Variants in SPECC1 observed in about 807,000 individuals in gnomAD.
The protein encoded by SPECC1 is cytospin-B.
In SPECC1, 62 loss-of-function variants were observed where a neutral mutation model predicts 104.1. The observed-to-expected ratio is 0.60, with a 90% confidence interval of 0.49 to 0.74. The LOEUF (loss-of-function observed/expected upper bound fraction) is 0.74. SPECC1 is among the 30% of genes least tolerant of loss of function. The pLI, the probability that SPECC1 is intolerant of heterozygous loss-of-function variation, is 0.00. For missense variants in SPECC1, 1,306 were observed against 1,310.5 expected (o/e 1.00, Z 0.05); for synonymous variants, 513 against 501.6 (o/e 1.02, Z -0.30).
intron 3 of SPECC1, among the ~76,000 whole-genome samples, chr17:20,163,578 T>A (rs1188934139): frequency 1.3e-5 from 2 of 151,680 alleles, no homozygotes; most frequent in Non-Finnish European, 2.9e-5. Context: ...TTTTTTTTTT[T>A]GAGACAGTTT....
intron 3 of SPECC1, among the ~76,000 whole-genome samples, chr17:20,202,012 T>C (rs1213757804): frequency 6.6e-6 from 1 of 152,244 alleles, no homozygotes; most frequent in African/African-American, 2.4e-5. Context: ...ATCAGTTTTA[T>C]CATTTACTAC....
At chr17:20,059,076 G>C (rs961589959) in intron 1 of SPECC1, among the ~76,000 whole-genome samples, 1 of 151,696 alleles carries the variant, frequency 6.6e-6, no homozygotes, top group African/African-American at 2.4e-5. Context: ...TCCTGACCTC[G>C]TGATCCGCCT....
intron 3 of SPECC1, chr17:20,112,818 C>T (rs914879706): frequency 8.9e-6 from 14 of 1,573,000 alleles, no homozygotes; most frequent in Middle Eastern, 4.6e-4. Context: ...TTAAAAAATG[C>T]AAAGTTGAAG....
chr17:20,140,918 G>A (rs1259560076), intron 3 of SPECC1, among the ~76,000 whole-genome samples: 2 of 152,202 alleles, frequency 1.3e-5, no homozygotes, highest in Non-Finnish European at 2.9e-5. Context: ...GTGATTCATT[G>A]TGATCTATGG....
chr17:20,230,504 A>AGTTGT (rs1180958305), intron 5 of SPECC1, among the ~76,000 whole-genome samples: 7 of 69,314 alleles, frequency 1.0e-4, no homozygotes, highest in African/African-American at 9.9e-4. Context: ...AGTCAAGACA[A>AGTTGT]GTTCTGTTTT....
intron 13 of SPECC1, 25 bp from the exon 14 acceptor site, chr17:20,305,998 C>T (rs1433479266): frequency 6.2e-7 from 1 of 1,608,004 alleles, no homozygotes. Flanking sequence ...TTACTGATTC[C>T]AGTCTCTTTG....
chr17:20,066,297 T>C (rs1483650037), intron 1 of SPECC1, among the ~76,000 whole-genome samples: 1 of 152,258 alleles, frequency 6.6e-6, no homozygotes, highest in East Asian at 1.9e-4. Context: ...TTTGCCTTTC[T>C]CCTAGTTATT....
chr17:20,059,281 G>C (rs151178162), intron 1 of SPECC1, among the ~76,000 whole-genome samples: 1 of 152,264 alleles, frequency 6.6e-6, no homozygotes, highest in East Asian at 1.9e-4. Context: ...ATGGAAGACA[G>C]TGACAGATCT....
intron 12 of SPECC1, among the ~76,000 whole-genome samples, chr17:20,269,552 A>G (rs1187539309): frequency 6.6e-6 from 1 of 152,178 alleles, no homozygotes. Flanking sequence ...TCTCCCGAGT[A>G]GCTGGGATTA....
At chr17:20,185,317 C>G (rs1156625866) in intron 3 of SPECC1, 1 of 152,264 alleles carries the variant, frequency 6.6e-6, no homozygotes, top group Non-Finnish European at 1.5e-5. Context: ...TGGAAGTGCT[C>G]CTCTGACTGC....
intron 12 of SPECC1, among the ~76,000 whole-genome samples, chr17:20,265,470 G>C (rs1348464924): frequency 5.9e-5 from 9 of 152,092 alleles, no homozygotes; most frequent in Admixed American, 2.6e-4. Flanking sequence ...GTTTTTGCTT[G>C]TGGATTTAAG....
At chr17:20,285,801 T>C (rs958633259) in intron 12 of SPECC1, among the ~76,000 whole-genome samples, 5 of 146,932 alleles carry the variant, frequency 3.4e-5, no homozygotes, top group African/African-American at 1.0e-4. Context: ...CTCCCTCCCT[T>C]TCTTTCTTCC....
chr17:20,097,811 C>T (rs1035731219), intron 2 of SPECC1, among the ~76,000 whole-genome samples: 3 of 152,294 alleles, frequency 2.0e-5, no homozygotes, highest in Non-Finnish European at 2.9e-5. Flanking sequence ...TGTGTCAGTG[C>T]CTGCGGAATA....
At chr17:20,022,079 C>T (rs993306423) in intron 1 of SPECC1, among the ~76,000 whole-genome samples, 5 of 151,738 alleles carry the variant, frequency 3.3e-5, no homozygotes, top group Admixed American at 6.6e-5. Context: ...GTAGCTGGGA[C>T]TACTGGTGCC....
In SPECC1 at chr17:20,265,707, A is replaced by C. The variant is rs1410650526; in HGVS notation, c.2940+5413A>C. ...AAAGTTATTTCCTAGGTTTTCTTCTAGGATTTTTATAGTTCGAAGTCTTAT... is the reference window on the plus strand; with the variant it reads ...AAAGTTATTTCCTAGGTTTTCTTCTCGGATTTTTATAGTTCGAAGTCTTAT... On this transcript the variant is annotated intron_variant, in intron 12 of 14. Transcript: ENST00000395527. Among the ~76,000 whole-genome samples, 3 of 152,218 alleles carry C rather than the reference A, an allele frequency of 2.0e-5. No homozygotes were observed. The East Asian group carries it at 5.8e-4, about 29-fold the overall frequency.
At chr17:20,057,530 G>C (rs572993072) in intron 1 of SPECC1, 61 of 152,348 alleles carry the variant, frequency 4.0e-4, no homozygotes, top group African/African-American at 1.4e-3. Context: ...GTCTCTCTCT[G>C]TCACTCAGGC....
intron 12 of SPECC1, among the ~76,000 whole-genome samples, chr17:20,272,743 C>T (rs915080558): frequency 6.6e-6 from 1 of 152,236 alleles, no homozygotes; most frequent in Admixed American, 6.5e-5. Flanking sequence ...AATAAAATTC[C>T]GTTGATTATA....
intron 1 of SPECC1, among the ~76,000 whole-genome samples, chr17:20,060,455 C>T (rs1187530427): frequency 1.3e-5 from 2 of 151,502 alleles, no homozygotes; most frequent in African/African-American, 2.4e-5. Flanking sequence ...TAGACCAGCC[C>T]GGGTAACACA....
At chr17:20,204,196 T>A in intron 3 of SPECC1, 137 bp from the exon 4 acceptor site, 1 of 1,085,084 alleles carries the variant, frequency 9.2e-7, no homozygotes, top group Non-Finnish European at 1.3e-6. Flanking sequence ...CAGAACTGGG[T>A]AATTAGCTAG....
Sources: gnomAD v4.1 joint callset for allele counts (sites outside exome capture counted in the v4.1 genomes callset) on GRCh38, gnomAD v4.1.1 for gene constraint, MANE v1.5 for transcripts, NCBI Gene and HGNC (gene_info 2026-07-23, HGNC 2026-07-21) for gene names.